The following PRDM5 variants were observed in gnomAD, a reference collection of about 807,000 sequenced individuals.
The protein encoded by PRDM5 is PR/SET domain 5.
PRDM5 carries 56 observed loss-of-function variants against 81.2 expected under a neutral mutation model. The ratio of observed to expected loss-of-function variants is 0.69; its 90% CI spans 0.56 to 0.86. The LOEUF (loss-of-function observed/expected upper bound fraction) is 0.86. PRDM5 is among the 40% of genes least tolerant of loss of function. PRDM5 has a pLI of 0.00. For missense variants in PRDM5, 697 were observed against 770.1 expected, an observed-to-expected ratio of 0.91 and a Z score of 1.12; for synonymous variants, 267 against 256.4, an observed-to-expected ratio of 1.04 and a Z score of -0.39.
At chr4:120,805,439 G>A (rs571389503) in intron 8 of PRDM5, among the ~76,000 whole-genome samples, 2 of 152,286 alleles carry the variant, frequency 1.3e-5, no homozygotes, top group Admixed American at 1.3e-4. Flanking sequence ...GAACATCGAT[G>A]CAAAAATCCT....
At chr4:120,725,427 T>A (rs4833177) in intron 14 of PRDM5, among the ~76,000 whole-genome samples, 16,975 of 152,070 alleles carry the variant, frequency 0.11, 1,249 homozygotes, top group Non-Finnish European at 0.17. Flanking sequence ...ACCTCCAAAA[T>A]AAAATGACCC....
intron 13 of PRDM5, among the ~76,000 whole-genome samples, chr4:120,770,466 T>C (rs201057770): frequency 0.22 from 6,838 of 31,560 alleles, 298 homozygotes; most frequent in East Asian, 0.49. Context: ...TCATTTCTCT[T>C]TTTTTTTTTT....
At position 120,692,842 on chromosome 4, in the gene PRDM5, A is replaced by G. The variant is rs1003462061; in HGVS notation, c.*2269T>C. 7 of 152,098 alleles carry G rather than the reference A, an allele frequency of 4.6e-5. No individual in the cohort carries two copies. The highest frequency in any genetic ancestry group is 9.7e-5 in the African/African-American group (4 of 41,432). The allele number at this position is 152,098 out of a possible 1,614,324, so 9.4% of individuals were successfully genotyped here. Reference sequence around the variant, plus strand: ...GATTATCTATGCTTTCAATTGATCAATCATGCCTAAAATAGTGTCTTTTTT... The same window carrying G: ...GATTATCTATGCTTTCAATTGATCAGTCATGCCTAAAATAGTGTCTTTTTT... On this transcript the variant is annotated 3_prime_UTR_variant, in exon 16 of 16. Transcript: ENST00000264808.
At chr4:120,839,866 C>T (rs181622977) in intron 3 of PRDM5, among the ~76,000 whole-genome samples, 4 of 152,242 alleles carry the variant, frequency 2.6e-5, no homozygotes, top group African/African-American at 7.2e-5. Context: ...AAGTCTGCAG[C>T]GGGGGAGCTG....
chr4:120,824,803 T>C (rs1191624975), intron 3 of PRDM5, among the ~76,000 whole-genome samples: 1 of 152,132 alleles, frequency 6.6e-6, no homozygotes, highest in Non-Finnish European at 1.5e-5. Context: ...TTATCAAATA[T>C]CATTTTAATT....
At chr4:120,786,132 T>C (rs1327460794) in intron 10 of PRDM5, among the ~76,000 whole-genome samples, 1 of 152,070 alleles carries the variant, frequency 6.6e-6, no homozygotes, top group African/African-American at 2.4e-5. Context: ...AACAAAAAAG[T>C]AATTTAAAGA....
In PRDM5 at chr4:120,774,771, A is replaced by G. The variant is rs147690230; in HGVS notation, c.1537+2417T>C. Among the ~76,000 whole-genome samples the G allele has an allele frequency of 2.4e-3, 361 of 152,188 alleles. 1 individual carries two copies. Among genetic ancestry groups the G allele is most frequent in the African/African-American group, 8.4e-3 (349 of 41,560 alleles). On this transcript the variant is annotated intron_variant, in intron 13 of 15. Transcript: ENST00000264808. ...GAAAGTATGGTAAGTTTTATTTTAA[A>G]CAGAAAAATCTGGTTAGAAGTAAAT...
intron 13 of PRDM5, among the ~76,000 whole-genome samples, chr4:120,764,400 C>A (rs1746078918): frequency 6.6e-6 from 1 of 152,100 alleles, no homozygotes; most frequent in Non-Finnish European, 1.5e-5. Context: ...TTAATCCAAC[C>A]TATGACAAAC....
rs546403947 is a variant in PRDM5 at position 120,697,569 on chromosome 4, C to T, written c.1729-2294G>A. 4.2e-5 allele frequency among the ~76,000 whole-genome samples: 6 copies of T among 142,618 alleles called. No homozygotes were observed. In the South Asian group the frequency reaches 1.3e-3, roughly 31 times the overall value. The allele number at this position is 142,618 out of a possible 152,430, so 93.6% of individuals were successfully genotyped here. A position where few individuals can be genotyped will look rare whatever the true frequency, so the allele number is the denominator to read the frequency against. On this transcript the variant is annotated intron_variant, in intron 15 of 15. Transcript: ENST00000264808. ...TGTCACCCATGCTGGAGTGCAGTGG[C>T]ATTAATCTTGGTTCACTGCAGCCTC...
chr4:120,890,543 C>T (rs1763932031), intron 2 of PRDM5, among the ~76,000 whole-genome samples: 1 of 152,218 alleles, frequency 6.6e-6, no homozygotes, highest in Admixed American at 6.5e-5. Flanking sequence ...GAAATCACCA[C>T]ACTGGTTTCC....
At chr4:120,699,968 T>TAAATAAATAAATAAATAAAA (rs1427462958) in intron 15 of PRDM5, among the ~76,000 whole-genome samples, 1 of 151,042 alleles carries the variant, frequency 6.6e-6, no homozygotes, top group East Asian at 1.9e-4. Context: ...AATAAATAAA[T>TAAATAAATAAATAAATAAAA]AAAAAGCCCA....
chr4:120,722,921 C>T (rs974381939), intron 14 of PRDM5, among the ~76,000 whole-genome samples: 1 of 152,172 alleles, frequency 6.6e-6, no homozygotes, highest in African/African-American at 2.4e-5. Context: ...GGGCCACTAA[C>T]GACCCTGTTG....
intron 1 of PRDM5, among the ~76,000 whole-genome samples, chr4:120,914,364 T>G (rs2148704585): frequency 6.6e-6 from 1 of 151,712 alleles, no homozygotes; most frequent in Admixed American, 6.6e-5. Context: ...AAATCTCAAG[T>G]GAAAACCATG....
intron 2 of PRDM5, among the ~76,000 whole-genome samples, chr4:120,865,186 A>C (rs529266973): frequency 6.6e-6 from 1 of 152,300 alleles, no homozygotes; most frequent in South Asian, 2.1e-4. Context: ...AATTTGGGAC[A>C]CTCCAAGTGG....
chr4:120,870,700 G>C (rs1761695150), intron 2 of PRDM5, among the ~76,000 whole-genome samples: 1 of 152,222 alleles, frequency 6.6e-6, no homozygotes, highest in South Asian at 2.1e-4. Flanking sequence ...AAACTCTGAA[G>C]AACAAGGTTC....
rs142105606 is a variant in PRDM5 at position 120,880,865 on chromosome 4, A to G, written c.177+26609T>C. ...GCTCATCAATTTCAAAATTGCATCAATCCAAGATAAGTAAATTTATCAACT... is the reference window on the plus strand; with the variant it reads ...GCTCATCAATTTCAAAATTGCATCAGTCCAAGATAAGTAAATTTATCAACT... On this transcript the variant is annotated intron_variant, in intron 2 of 15. Coordinates refer to ENST00000264808, the MANE Select transcript of PRDM5 (RefSeq NM_018699.4). 2.6e-3 allele frequency among the ~76,000 whole-genome samples: 389 copies of G among 152,294 alleles called. 1 individual carries two copies. Among genetic ancestry groups the G allele is most frequent in the African/African-American group, 8.8e-3 (365 of 41,580 alleles).
chr4:120,742,903 C>A (rs1248070388), intron 14 of PRDM5, among the ~76,000 whole-genome samples: 3 of 152,046 alleles, frequency 2.0e-5, no homozygotes, highest in Non-Finnish European at 2.9e-5. Flanking sequence ...GGCAGGCCAA[C>A]GTTCAGGTTC....
At chr4:120,684,919 C>A (rs1733778499) in exon 2 of PRDM5, 1 of 151,818 alleles carries the variant, frequency 6.6e-6, no homozygotes, top group Admixed American at 6.6e-5. Context: ...TGTCATTTTA[C>A]CTTTTTCTTC....
intron 2 of PRDM5, among the ~76,000 whole-genome samples, chr4:120,877,845 G>A (rs1375766008): frequency 1.3e-5 from 2 of 152,106 alleles, no homozygotes; most frequent in Non-Finnish European, 2.9e-5. Context: ...TTATCTTTCA[G>A]CCAACTTCGT....
Sources: gnomAD v4.1 joint callset for allele counts (sites outside exome capture counted in the v4.1 genomes callset) on GRCh38, gnomAD v4.1.1 for gene constraint, MANE v1.5 for transcripts, NCBI Gene and HGNC (gene_info 2026-07-23, HGNC 2026-07-21) for gene names.